Variants in PLD5 observed in about 807,000 individuals in gnomAD.
PLD5 encodes inactive phospholipase D5.
PLD5 carries 36 observed loss-of-function variants against 61.1 expected under a neutral mutation model. The observed-to-expected ratio is 0.59, with a 90% confidence interval of 0.45 to 0.78. The LOEUF (loss-of-function observed/expected upper bound fraction) is 0.78, where lower values mean the gene tolerates loss of function less well. Ranked by LOEUF, PLD5 falls within the 30% of genes least tolerant of loss-of-function variation. PLD5 has a pLI of 0.00. For missense variants in PLD5, 515 were observed against 644.4 expected (o/e 0.80, Z 2.17); for synonymous variants, 243 against 242.8 (o/e 1.00, Z -0.01).
chr1:242,284,584 C>G (rs34826036), intron 3 of PLD5, among the ~76,000 whole-genome samples: 1 of 152,198 alleles, frequency 6.6e-6, no homozygotes, highest in African/African-American at 2.4e-5. Context: ...ACAAAACACC[C>G]TAAATTCTGC....
At chr1:242,504,141 T>C (rs1321879452) in intron 1 of PLD5, among the ~76,000 whole-genome samples, 3 of 152,290 alleles carry the variant, frequency 2.0e-5, no homozygotes, top group African/African-American at 7.2e-5. Flanking sequence ...ATTTTATCTA[T>C]TTTAGCTCTT....
At chr1:242,407,104 C>A (rs755479563) in intron 1 of PLD5, among the ~76,000 whole-genome samples, 4 of 152,072 alleles carry the variant, frequency 2.6e-5, no homozygotes, top group Non-Finnish European at 5.9e-5. Context: ...GTAATTGAAC[C>A]CTGGGGGCGG....
intron 4 of PLD5, among the ~76,000 whole-genome samples, chr1:242,243,884 T>A (rs916403936): frequency 6.6e-6 from 1 of 152,222 alleles, no homozygotes; most frequent in East Asian, 1.9e-4. Flanking sequence ...TCACATTCCA[T>A]GTACTTTTTA....
At chr1:242,449,250 G>A in intron 1 of PLD5, 1 of 1,409,784 alleles carries the variant, frequency 7.1e-7, no homozygotes, top group Non-Finnish European at 9.7e-7. Context: ...GAGCTCAAGT[G>A]ACTGTTCAGT....
rs576261716 is a variant in PLD5, at chr1:242,113,934, G to A, written c.1026C>T (p.Ile342=). ...VIDDAKQYVY[I]AVMDYLPISS... is the part of the protein sequence containing the mutation. ...AGATAGGCAGGTAGTCCATGACAGCGATGTACACATACTGCTTGGCATCAT... is the reference window on the plus strand; with the variant it reads ...AGATAGGCAGGTAGTCCATGACAGCAATGTACACATACTGCTTGGCATCAT... Residue 342 remains isoleucine (I), a synonymous_variant, in exon 7 of 10, where the codon ATC becomes ATT. Transcript: ENST00000536534. 2.3e-5 allele frequency: 37 copies of A among 1,613,954 alleles called. No homozygotes were observed. The African/African-American group carries it at 3.9e-4, about 17-fold the overall frequency.
At chr1:242,391,063 C>T (rs1054057011) in intron 1 of PLD5, among the ~76,000 whole-genome samples, 12 of 152,004 alleles carry the variant, frequency 7.9e-5, no homozygotes, top group African/African-American at 2.9e-4. Context: ...GGTGTGGTGG[C>T]GGGTATCTGC....
At chr1:242,279,988 GAA>G (rs1237871415) in intron 3 of PLD5, among the ~76,000 whole-genome samples, 1 of 149,168 alleles carries the variant, frequency 6.7e-6, no homozygotes, top group Non-Finnish European at 1.5e-5. Context: ...CACTAAATTT[GAA>G]AGTAAATGTC....
At chr1:242,360,889 G>A (rs998653977) in intron 1 of PLD5, among the ~76,000 whole-genome samples, 5 of 152,180 alleles carry the variant, frequency 3.3e-5, no homozygotes, top group South Asian at 2.1e-4. Flanking sequence ...TTAAAGTAAT[G>A]TAATAATATT....
rs3856232 is a variant in PLD5 at position 242,179,665 on chromosome 1, G to A, written c.735+40323C>T. ...CGTCTGTAATCCCAGCATTTTGGGA[G>A]GCCGAGGCGGGCAGATCACTTGAGG... On this transcript the variant is annotated intron_variant, in intron 5 of 9. Transcript: ENST00000536534. 3.4e-3 allele frequency among the ~76,000 whole-genome samples: 511 copies of A among 152,284 alleles called. 4 individuals carry two copies. The highest frequency in any genetic ancestry group is 0.012 in the African/African-American group (486 of 41,556).
Position 242,088,828 on chromosome 1 carries a change from A to G in PLD5, c.*1026T>C, listed in dbSNP as rs1370603647. The G allele has an allele frequency of 6.6e-6, 1 of 152,624 alleles. No homozygotes were observed. Among genetic ancestry groups the G allele is most frequent in the African/African-American group, 2.4e-5 (1 of 41,488 alleles). The allele number at this position is 152,624 out of a possible 1,614,324, so 9.5% of individuals were successfully genotyped here. ...TGCATTTCTCTGAAAAGCATTTGGT[A>G]TATTAAATAGCAGAAGGTATATTAA... is the stretch of plus-strand genomic sequence containing the variant. On this transcript the variant is annotated 3_prime_UTR_variant, in exon 10 of 10. Transcript: ENST00000536534.
intron 2 of PLD5, among the ~76,000 whole-genome samples, chr1:242,310,907 A>C (rs1344325148): frequency 1.3e-5 from 2 of 152,190 alleles, no homozygotes; most frequent in East Asian, 3.9e-4. Flanking sequence ...ATCATATCCC[A>C]GTAATCTTTA....
chr1:242,425,214 A>C (rs1665351499), intron 1 of PLD5, among the ~76,000 whole-genome samples: 1 of 152,222 alleles, frequency 6.6e-6, no homozygotes, highest in Non-Finnish European at 1.5e-5. Flanking sequence ...TTGTCCTTAC[A>C]TGAACATCGT....
chr1:242,201,277 C>T (rs547302060), intron 5 of PLD5, among the ~76,000 whole-genome samples: 1 of 152,240 alleles, frequency 6.6e-6, no homozygotes, highest in African/African-American at 2.4e-5. Flanking sequence ...ATAATAGATG[C>T]TTGAGCTGCA....
intron 1 of PLD5, among the ~76,000 whole-genome samples, chr1:242,497,276 C>A (rs1668401927): frequency 6.6e-6 from 1 of 152,176 alleles, no homozygotes; most frequent in African/African-American, 2.4e-5. Flanking sequence ...CACCAGATAA[C>A]CTTACCAAAT....
intron 1 of PLD5, among the ~76,000 whole-genome samples, chr1:242,512,187 A>AGTG: frequency 6.6e-6 from 1 of 151,762 alleles, no homozygotes; most frequent in South Asian, 2.1e-4. Context: ...CAAGGAGGGC[A>AGTG]GATCACGAGG....
At chr1:242,155,935 A>C (rs1303092144) in intron 5 of PLD5, among the ~76,000 whole-genome samples, 1 of 152,116 alleles carries the variant, frequency 6.6e-6, no homozygotes, top group African/African-American at 2.4e-5. Flanking sequence ...GATCTGTCTA[A>C]TTTTGACAGT....
chr1:242,349,497 G>C (rs1325457537), intron 1 of PLD5, among the ~76,000 whole-genome samples: 1 of 152,054 alleles, frequency 6.6e-6, no homozygotes, highest in Non-Finnish European at 1.5e-5. Context: ...TTTATTTTTG[G>C]TTTACAACGT....
chr1:242,176,011 C>A (rs1574456191), intron 5 of PLD5, among the ~76,000 whole-genome samples: 1 of 152,114 alleles, frequency 6.6e-6, no homozygotes, highest in South Asian at 2.1e-4. Context: ...CCATACTGCC[C>A]AAAGTAATTT....
At chr1:242,382,099 C>T (rs923729553) in intron 1 of PLD5, among the ~76,000 whole-genome samples, 1 of 141,464 alleles carries the variant, frequency 7.1e-6, no homozygotes, top group Non-Finnish European at 1.5e-5. Context: ...GGGTTTGACT[C>T]AGGCAACTGA....
Sources: allele counts gnomAD v4.1 joint callset (sites outside exome capture counted in the v4.1 genomes callset), GRCh38; gene constraint gnomAD v4.1.1; transcripts MANE v1.5; gene names NCBI Gene and HGNC (gene_info 2026-07-23, HGNC 2026-07-21).